The following MYBPC3 variants were observed in gnomAD, a reference collection of about 807,000 sequenced individuals.
The protein encoded by MYBPC3 is myosin-binding protein C, cardiac-type.
In MYBPC3, 108 loss-of-function variants were observed where a neutral mutation model predicts 159.3. The ratio of observed to expected loss-of-function variants is 0.68; its 90% CI spans 0.58 to 0.80. The LOEUF is 0.80. Among genes scored for constraint, MYBPC3 ranks in the 30% least tolerant of loss-of-function variants. MYBPC3 has a pLI of 0.00. For synonymous variants in MYBPC3, 730 were observed against 702.0 expected, an observed-to-expected ratio of 1.04 and a Z score of -0.63; for missense variants, 1,631 against 1,762.1, an observed-to-expected ratio of 0.93 and a Z score of 1.33.
chr11:47,348,276 C>T (rs1009063935), intron 6 of MYBPC3, 148 bp downstream of exon 6: 14 of 660,518 alleles, frequency 2.1e-5, no homozygotes, highest in Non-Finnish European at 3.4e-5. Context: ...TGGGGTTTCT[C>T]TCACACCCTG....
rs1437496146 is a variant in MYBPC3 at position 47,346,651 on chromosome 11, CA to C, written c.909-8del. 1 of 1,512,120 alleles carries C rather than the reference CA, an allele frequency of 6.6e-7. No individual in the cohort carries two copies. The highest frequency in any genetic ancestry group is 9.1e-7 in the Non-Finnish European group (1 of 1,100,212). 93.7% of individuals were successfully genotyped at this position (1,512,120 alleles called of 1,614,324 possible). On this transcript the variant is annotated splice_polypyrimidine_tract_variant and splice_region_variant and intron_variant, in intron 10 of 34. Coordinates refer to ENST00000545968, the MANE Select transcript of MYBPC3 (RefSeq NM_000256.3). This position sits in a 1 kb window ranked among gnomAD's most constrained non-coding sequence, Gnocchi z 5.3. ...CCTCGGGGTCCGGAAACTGCTGCTC[CA>C]GGGGTGGGGGTGGGAGAAAGGGTAG...
chr11:47,337,662 C>T, intron 24 of MYBPC3, 28 bp downstream of exon 24: 1 of 1,600,280 alleles, frequency 6.2e-7, no homozygotes, highest in South Asian at 1.1e-5. Context: ...GGCGCCCTCA[C>T]ACCTCCATCC....
chr11:47,350,936 T>C (rs1295661970), intron 2 of MYBPC3, among the ~76,000 whole-genome samples: 1 of 152,128 alleles, frequency 6.6e-6, no homozygotes, highest in Non-Finnish European at 1.5e-5. Flanking sequence ...CCACAGCTCC[T>C]GGGGCTTCCC....
chr11:47,333,407 C>A (rs1377503201), intron 29 of MYBPC3, 74 bp from the exon 30 acceptor site: 2 of 1,497,732 alleles, frequency 1.3e-6, no homozygotes, highest in African/African-American at 1.4e-5. Flanking sequence ...CCAGGGACCA[C>A]CCCACCCCTG....
rs1031998651 is a variant in MYBPC3 at position 47,337,598 on chromosome 11, C to A, written c.2414-19G>T. The stretch of plus-strand genomic sequence containing the variant: ...ATGTAGCCTGGCTCAGGGGAGGTGG[C>A]AGCTCTGGTCTGGAACCCAGGCATC... On this transcript the variant is annotated intron_variant, in intron 24 of 34. Transcript: ENST00000545968. The A allele has an allele frequency of 1.9e-6, 3 of 1,613,880 alleles. No homozygotes were observed. Among genetic ancestry groups the A allele is most frequent in the Non-Finnish European group, 2.5e-6 (3 of 1,179,838 alleles).
intron 3 of MYBPC3, 87 bp from the exon 4 acceptor site, chr11:47,350,199 C>T: frequency 1.4e-6 from 2 of 1,399,636 alleles, no homozygotes; most frequent in Non-Finnish European, 9.8e-7. Flanking sequence ...TCTCGGCTCA[C>T]TGCAAGCTCC....
chr11:47,347,549 G>C, intron 8 of MYBPC3, 70 bp from the exon 9 acceptor site: 1 of 1,562,640 alleles, frequency 6.4e-7, no homozygotes, highest in South Asian at 1.2e-5. Flanking sequence ...GATGGGAGTG[G>C]AGTGGGGAGG....
chr11:47,343,361 G>T, intron 13 of MYBPC3, 99 bp from the exon 14 acceptor site: 1 of 1,483,192 alleles, frequency 6.7e-7, no homozygotes, highest in Non-Finnish European at 8.9e-7. Context: ...CAAAAGGATG[G>T]GAAATTAGGC....
intron 18 of MYBPC3, among the ~76,000 whole-genome samples, chr11:47,341,550 T>A (rs1185135278): frequency 6.6e-6 from 1 of 152,188 alleles, no homozygotes; most frequent in Non-Finnish European, 1.5e-5. Context: ...GCCCAGTTGC[T>A]CCAGGGATGA....
intron 19 of MYBPC3, 52 bp from the exon 20 acceptor site, chr11:47,341,084 A>T (rs2095887928): frequency 6.4e-7 from 1 of 1,567,870 alleles, no homozygotes; most frequent in Non-Finnish European, 8.7e-7. Context: ...GGGCCCAGTG[A>T]CAGGGGCTCC....
intron 12 of MYBPC3, among the ~76,000 whole-genome samples, chr11:47,345,740 A>G (rs1160895884): frequency 2.0e-5 from 3 of 152,156 alleles, no homozygotes; most frequent in Non-Finnish European, 4.4e-5. Flanking sequence ...AAGATTAGCC[A>G]GGCTCTTTTC....
Position 47,332,314 on chromosome 11 carries a change from C to A in MYBPC3, c.3628-56G>T. 6.4e-7 allele frequency: 1 copy of A among 1,567,694 alleles called. No individual in the cohort carries two copies. The highest frequency in any genetic ancestry group is 8.8e-7 in the Non-Finnish European group (1 of 1,139,372). On this transcript the variant is annotated intron_variant, in intron 32 of 34. Coordinates refer to ENST00000545968, the MANE Select transcript of MYBPC3 (RefSeq NM_000256.3). The surrounding 1 kb of genome is among the most constrained non-coding windows in gnomAD (Gnocchi z 4.2). ...CCATCCAGGCTGAGAGGGGACCTGGCAGGGACCCAGGGAGACACATCTGTG... is the reference window on the plus strand; with the variant it reads ...CCATCCAGGCTGAGAGGGGACCTGGAAGGGACCCAGGGAGACACATCTGTG...
At position 47,335,864 on chromosome 11, in the gene MYBPC3, C is replaced by CGGGGGGTGGGGGGG; in HGVS notation, c.2737+12_2737+13insCCCCCCCACCCCCC. On this transcript the variant is annotated intron_variant, in intron 26 of 34. Transcript: ENST00000545968. ...TTCCTTTGGGGAGGGGGGTTGGGGGCGGGGACACTCACAGCCCTCTGGGCA... is the reference window on the plus strand; with the variant it reads ...TTCCTTTGGGGAGGGGGGTTGGGGGCGGGGGGTGGGGGGGGGGGACACTCACAGCCCTCTGGGCA... The CGGGGGGTGGGGGGG allele has an allele frequency of 6.9e-7, 1 of 1,438,882 alleles. No individual in the cohort carries two copies. 89.1% of individuals were successfully genotyped at this position (1,438,882 alleles called of 1,614,324 possible).
intron 6 of MYBPC3, among the ~76,000 whole-genome samples, chr11:47,348,201 AAC>A (rs756422849): frequency 2.6e-5 from 4 of 152,048 alleles, no homozygotes; most frequent in Admixed American, 6.5e-5. Flanking sequence ...AAGATGATAA[AAC>A]AGAGTCCCAC....
chr11:47,348,563 G>T, intron 5 of MYBPC3, 22 bp from the exon 6 acceptor site: 1 of 1,581,924 alleles, frequency 6.3e-7, no homozygotes, highest in Non-Finnish European at 8.6e-7. Context: ...GAGGGACGGG[G>T]CGTCAGGGGA....
At chr11:47,343,467 C>T in intron 13 of MYBPC3, 25 bp downstream of exon 13, 2 of 1,559,248 alleles carry the variant, frequency 1.3e-6, no homozygotes, top group Non-Finnish European at 1.7e-6. Context: ...TCCACCCGAG[C>T]CCCCCTCCCC....
rs2095894369 is a variant in MYBPC3, at chr11:47,346,575, C to A, written c.926+52G>T. 2 of 1,542,350 alleles carry A rather than the reference C, an allele frequency of 1.3e-6. No homozygotes were observed. Among genetic ancestry groups the A allele is most frequent in the African/African-American group, 1.4e-5 (1 of 72,876 alleles). On this transcript the variant is annotated intron_variant, in intron 11 of 34. Transcript: ENST00000545968. The surrounding 1 kb of genome is among the most constrained non-coding windows in gnomAD (Gnocchi z 5.3). ...AAGAGGGGCTGGGGATCTGGAGGGG[C>A]TCCTGGCAGAATTAGGGGTGATGAG...
rs376700665 is a variant in MYBPC3, at chr11:47,342,186, G to C, written c.1625-30C>G. On this transcript the variant is annotated intron_variant, in intron 17 of 34. Transcript: ENST00000545968. ...AGGGCAGGGCAGAGCCATTGAGCTC[G>C]GGAGGGTGTGTGGGTGTGGCGTGAA... 3.6e-5 allele frequency: 58 copies of C among 1,608,910 alleles called. No homozygotes were observed. In the African/African-American group the frequency reaches 6.3e-4, roughly 17 times the overall value.
chr11:47,343,670 G>T, intron 12 of MYBPC3, 46 bp from the exon 13 acceptor site: 2 of 1,504,738 alleles, frequency 1.3e-6, no homozygotes, highest in South Asian at 1.3e-5. Context: ...CCCGCACCCT[G>T]CTCCCCCAGG....
Sources: allele counts gnomAD v4.1 joint callset (sites outside exome capture counted in the v4.1 genomes callset), GRCh38; gene constraint gnomAD v4.1.1; non-coding constraint Gnocchi (gnomAD v3.1); transcripts MANE v1.5; gene names NCBI Gene and HGNC (gene_info 2026-07-23, HGNC 2026-07-21).